AGAP1: variants seen among roughly 807,000 people sequenced by gnomAD.
AGAP1 encodes ArfGAP with GTPase domain, ankyrin repeat and PH domain 1.
In AGAP1, 29 loss-of-function variants were observed where a neutral mutation model predicts 105.3. That is an observed-to-expected ratio of 0.28 (90% confidence interval 0.21 to 0.38). AGAP1 has a LOEUF of 0.38. Ranked by LOEUF, AGAP1 falls within the 10% of genes least tolerant of loss-of-function variation. The pLI, the probability that AGAP1 is intolerant of heterozygous loss-of-function variation, is 1.00. For missense variants in AGAP1, 998 were observed against 1,165.1 expected (o/e 0.86, Z 2.09); for synonymous variants, 509 against 485.9 (o/e 1.05, Z -0.63).
At chr2:235,767,221 T>C (rs1172187387) in intron 6 of AGAP1, among the ~76,000 whole-genome samples, 1 of 152,188 alleles carries the variant, frequency 6.6e-6, no homozygotes, top group African/African-American at 2.4e-5. Flanking sequence ...CTGATACTTC[T>C]TTATAGAGTA....
intron 12 of AGAP1, among the ~76,000 whole-genome samples, chr2:235,938,190 A>G (rs2053082916): frequency 6.6e-6 from 1 of 152,150 alleles, no homozygotes; most frequent in Non-Finnish European, 1.5e-5. Flanking sequence ...CCCCCAGGAG[A>G]TGAGTGCCAG....
chr2:235,734,394 C>G lies in AGAP1; in HGVS notation c.311-6569C>G, dbSNP rs754704050. Among the ~76,000 whole-genome samples the G allele has an allele frequency of 7.9e-5, 12 of 152,080 alleles. No homozygotes were observed. The highest frequency in any genetic ancestry group is 1.6e-4 in the Non-Finnish European group (11 of 68,024). Reference sequence around the variant, plus strand: ...GCCAGCTTGCATCTGCTGAAAGAACCGGGGTGGCCCCACTGCATCTTGATC... The same window carrying G: ...GCCAGCTTGCATCTGCTGAAAGAACGGGGGTGGCCCCACTGCATCTTGATC... On this transcript the variant is annotated intron_variant, in intron 3 of 17. Transcript: ENST00000304032. The surrounding 1 kb of genome is among the most constrained non-coding windows in gnomAD (Gnocchi z 5.3).
intron 16 of AGAP1, among the ~76,000 whole-genome samples, chr2:236,094,220 C>T (rs181337456): frequency 1.3e-3 from 192 of 151,862 alleles, no homozygotes; most frequent in African/African-American, 4.2e-3. Context: ...CTCAGAAGGC[C>T]ACGTCAGGAG....
chr2:235,753,430 C>T lies in AGAP1; in HGVS notation c.673+2942C>T, dbSNP rs1022765838. Reference sequence around the variant, plus strand: ...ATTATGTATTCGGATTTTGGCTGGGCGCAGTGGCTCAGGCCTGTAATCCCA... The same window carrying T: ...ATTATGTATTCGGATTTTGGCTGGGTGCAGTGGCTCAGGCCTGTAATCCCA... On this transcript the variant is annotated intron_variant, in intron 6 of 17. Coordinates refer to ENST00000304032, the MANE Select transcript of AGAP1 (RefSeq NM_001037131.3). This position sits in a 1 kb window ranked among gnomAD's most constrained non-coding sequence, Gnocchi z 4.5. 3.9e-5 allele frequency among the ~76,000 whole-genome samples: 6 copies of T among 152,138 alleles called. No individual in the cohort carries two copies. The highest frequency in any genetic ancestry group is 5.9e-5 in the Non-Finnish European group (4 of 68,004).
intron 12 of AGAP1, among the ~76,000 whole-genome samples, chr2:235,949,522 C>T (rs1559684099): frequency 6.6e-6 from 1 of 152,148 alleles, no homozygotes; most frequent in Admixed American, 6.5e-5. Context: ...TAGTCTCTTT[C>T]TTCACAACTG....
Position 235,973,459 on chromosome 2 carries a change from G to A in AGAP1, c.1645+4836G>A, listed in dbSNP as rs1295306059. On this transcript the variant is annotated intron_variant, in intron 13 of 17. Coordinates refer to ENST00000304032, the MANE Select transcript of AGAP1 (RefSeq NM_001037131.3). This position sits in a 1 kb window ranked among gnomAD's most constrained non-coding sequence, Gnocchi z 4.7. ...TATGTCACAGATGGGCTGCTGTGCT[G>A]CGTGGTCATTGAGACCAATGGAAGG... Among the ~76,000 whole-genome samples, 1 of 152,178 alleles carries A rather than the reference G, an allele frequency of 6.6e-6. No individual in the cohort carries two copies. The highest frequency in any genetic ancestry group is 1.5e-5 in the Non-Finnish European group (1 of 68,032).
At chr2:236,091,960 CACA>C (rs770027681) in intron 16 of AGAP1, among the ~76,000 whole-genome samples, 5 of 152,146 alleles carry the variant, frequency 3.3e-5, no homozygotes, top group Admixed American at 6.5e-5. Context: ...ATTCTTAATA[CACA>C]ACAACAACTT....
chr2:235,679,168 G>A (rs931045326), intron 1 of AGAP1, among the ~76,000 whole-genome samples: 7 of 152,170 alleles, frequency 4.6e-5, no homozygotes, highest in East Asian at 1.9e-4. Context: ...ACAATACTTC[G>A]GTTAGTAAGG....
Position 235,891,750 on chromosome 2 carries a change from G to A in AGAP1, c.1155+8301G>A, listed in dbSNP as rs189842516. Among the ~76,000 whole-genome samples, 1 of 152,296 alleles carries A rather than the reference G, an allele frequency of 6.6e-6. No homozygotes were observed. The highest frequency in any genetic ancestry group is 6.5e-5 in the Admixed American group (1 of 15,300). ...CCCCTGTCTAGGAAAGCTCACCAGT[G>A]TTCCGGTCCTGGCTCTCTGGGCTTC... On this transcript the variant is annotated intron_variant, in intron 10 of 17. Transcript: ENST00000304032. The surrounding 1 kb of genome is among the most constrained non-coding windows in gnomAD (Gnocchi z 4.2).
intron 1 of AGAP1, among the ~76,000 whole-genome samples, chr2:235,532,684 C>T (rs147247884): frequency 6.6e-6 from 1 of 152,248 alleles, no homozygotes; most frequent in East Asian, 1.9e-4. Context: ...ATATTAAAAA[C>T]ACTCTGGATG....
intron 12 of AGAP1, among the ~76,000 whole-genome samples, chr2:235,955,414 G>T (rs995603094): frequency 6.6e-6 from 1 of 152,106 alleles, no homozygotes; most frequent in Non-Finnish European, 1.5e-5. Context: ...CTTCGGCTCA[G>T]CAGCATGTAT....
intron 16 of AGAP1, among the ~76,000 whole-genome samples, chr2:236,111,821 C>A (rs10199380): frequency 6.6e-6 from 1 of 151,530 alleles, no homozygotes; most frequent in African/African-American, 2.4e-5. Flanking sequence ...AGGGTCCATC[C>A]CGGTATCAGG....
rs747523749 is a variant in AGAP1 at position 235,979,331 on chromosome 2, G to A, written c.1645+10708G>A. Among the ~76,000 whole-genome samples, 8 of 151,970 alleles carry A rather than the reference G, an allele frequency of 5.3e-5. No individual in the cohort carries two copies. Among genetic ancestry groups the A allele is most frequent in the Non-Finnish European group, 1.2e-4 (8 of 67,988 alleles). ...AGGGAGGAGGGTGGTGATTGATTAA[G>A]CCCCCCTGTCGTTCATTTGAATCCT... On this transcript the variant is annotated intron_variant, in intron 13 of 17. Coordinates refer to ENST00000304032, the MANE Select transcript of AGAP1 (RefSeq NM_001037131.3). This position sits in a 1 kb window ranked among gnomAD's most constrained non-coding sequence, Gnocchi z 4.5.
intron 4 of AGAP1, among the ~76,000 whole-genome samples, chr2:235,743,241 G>A (rs1952693605): frequency 6.6e-6 from 1 of 152,298 alleles, no homozygotes; most frequent in South Asian, 2.1e-4. Flanking sequence ...TTTATTGGGT[G>A]CCCCCCACAC....
In AGAP1 at chr2:235,705,912, TATG is replaced by T. The variant is rs141650888; in HGVS notation, c.164-3266_164-3264del. Among the ~76,000 whole-genome samples the T allele has an allele frequency of 2.8e-4, 43 of 152,344 alleles. No homozygotes were observed. The highest frequency in any genetic ancestry group is 9.8e-4 in the Admixed American group (15 of 15,304). On this transcript the variant is annotated intron_variant, in intron 1 of 17. Coordinates refer to ENST00000304032, the MANE Select transcript of AGAP1 (RefSeq NM_001037131.3). This position sits in a 1 kb window ranked among gnomAD's most constrained non-coding sequence, Gnocchi z 4.9. ...TTTTATATTGTTAGAAAGTTAATCT[TATG>T]GTGGTATGTGTTGAAAAATCAGCAG...
At chr2:235,947,909 C>A (rs1190117250) in intron 12 of AGAP1, among the ~76,000 whole-genome samples, 1 of 152,196 alleles carries the variant, frequency 6.6e-6, no homozygotes, top group Non-Finnish European at 1.5e-5. Flanking sequence ...AAACTGAGTC[C>A]TAAATAATTT....
chr2:235,515,573 A>G (rs1046720661), intron 1 of AGAP1, among the ~76,000 whole-genome samples: 1 of 152,160 alleles, frequency 6.6e-6, no homozygotes, highest in Non-Finnish European at 1.5e-5. Context: ...CGTCATGGGT[A>G]TCATTTTGTG....
intron 9 of AGAP1, among the ~76,000 whole-genome samples, chr2:235,819,703 A>G (rs918556727): frequency 2.0e-5 from 3 of 151,252 alleles, no homozygotes; most frequent in Admixed American, 6.6e-5. Flanking sequence ...CTTGCTCTCT[A>G]TCTTCCCTGT....
At chr2:235,869,152 T>C (rs2049316390) in intron 9 of AGAP1, among the ~76,000 whole-genome samples, 1 of 152,170 alleles carries the variant, frequency 6.6e-6, no homozygotes, top group Admixed American at 6.5e-5. Flanking sequence ...TGAAATGGTT[T>C]GCAGGGAGGC....
Sources: gnomAD v4.1 joint callset for allele counts (sites outside exome capture counted in the v4.1 genomes callset) on GRCh38, gnomAD v4.1.1 for gene constraint, Gnocchi (gnomAD v3.1) non-coding constraint, MANE v1.5 for transcripts, NCBI Gene and HGNC (gene_info 2026-07-23, HGNC 2026-07-21) for gene names.